ARHGAP44: variants seen among roughly 807,000 people sequenced by gnomAD.
ARHGAP44 encodes the protein Rho GTPase activating protein 44, also known as rho GTPase-activating protein 44.
A neutral mutation model predicts 106.8 loss-of-function variants in ARHGAP44; 43 were observed. The observed-to-expected ratio is 0.40, with a 90% CI of 0.32 to 0.52. ARHGAP44 has a LOEUF of 0.52. Ranked by LOEUF, ARHGAP44 falls within the 20% of genes least tolerant of loss-of-function variation. The pLI, the probability that ARHGAP44 is intolerant of heterozygous loss-of-function variation, is 0.48. For synonymous variants in ARHGAP44, 439 were observed against 410.3 expected (o/e 1.07, Z -0.85); for missense variants, 866 against 1,050.5 (o/e 0.82, Z 2.43).
intron 7 of ARHGAP44, among the ~76,000 whole-genome samples, chr17:12,939,293 A>C (rs2038639996): frequency 6.6e-6 from 1 of 151,686 alleles, no homozygotes; most frequent in Admixed American, 6.6e-5. Flanking sequence ...TGGCGCCCCT[A>C]CTGTGCTAAA....
intron 19 of ARHGAP44, among the ~76,000 whole-genome samples, chr17:12,984,283 G>C (rs1445083681): frequency 7.3e-6 from 1 of 136,424 alleles, no homozygotes; most frequent in African/African-American, 2.7e-5. Context: ...ATCCAGAAAA[G>C]AGGAGGAAAA....
intron 20 of ARHGAP44, chr17:12,988,811 G>T (rs886628375): frequency 6.6e-6 from 1 of 151,658 alleles, no homozygotes. Context: ...GGGCGTGGTT[G>T]CTCACGCCTG....
At chr17:12,978,056 A>AAAAAAAAAAAAAAAAAAAAAT (rs71144940) in intron 18 of ARHGAP44, among the ~76,000 whole-genome samples, 3 of 149,214 alleles carry the variant, frequency 2.0e-5, no homozygotes, top group Admixed American at 6.7e-5. Context: ...AAAAAAAAAA[A>AAAAAAAAAAAAAAAAAAAAAT]GTGTGTTTCG....
intron 7 of ARHGAP44, among the ~76,000 whole-genome samples, chr17:12,934,804 A>C (rs906787993): frequency 6.6e-6 from 1 of 152,196 alleles, no homozygotes; most frequent in South Asian, 2.1e-4. Flanking sequence ...ATGGAAGACA[A>C]TGATGCACCA....
intron 1 of ARHGAP44, among the ~76,000 whole-genome samples, chr17:12,880,656 A>G (rs1290956677): frequency 6.6e-6 from 1 of 151,656 alleles, no homozygotes; most frequent in Non-Finnish European, 1.5e-5. Context: ...CATTTTTTGA[A>G]TGCTGGCCCA....
intron 20 of ARHGAP44, 138 bp from the exon 21 acceptor site, chr17:12,989,894 C>A: frequency 1.5e-6 from 2 of 1,315,514 alleles, no homozygotes; most frequent in Non-Finnish European, 2.1e-6. Context: ...CAACACAATG[C>A]TTAAACCAAC....
At chr17:12,878,042 G>A (rs1286155096) in intron 1 of ARHGAP44, among the ~76,000 whole-genome samples, 5 of 152,192 alleles carry the variant, frequency 3.3e-5, no homozygotes, top group African/African-American at 4.8e-5. Flanking sequence ...CCACACCTCA[G>A]TTATGAATTA....
At chr17:12,931,216 C>T (rs1337155583) in intron 7 of ARHGAP44, among the ~76,000 whole-genome samples, 14 of 151,850 alleles carry the variant, frequency 9.2e-5, no homozygotes, top group African/African-American at 2.4e-4. Flanking sequence ...GGACTACAGG[C>T]GCATGCCACC....
intron 20 of ARHGAP44, chr17:12,986,824 GT>G: frequency 2.8e-6 from 1 of 362,208 alleles, no homozygotes; most frequent in Non-Finnish European, 5.0e-6. Flanking sequence ...AAGAAGCGGA[GT>G]GGCTCATGTT....
chr17:12,872,700 TC>T (rs1379087131), intron 1 of ARHGAP44, among the ~76,000 whole-genome samples: 4 of 152,202 alleles, frequency 2.6e-5, no homozygotes, highest in Non-Finnish European at 4.4e-5. Context: ...CCCTCACAGT[TC>T]AGGACCTTTC....
chr17:12,831,861 A>G (rs2035098519), intron 1 of ARHGAP44, among the ~76,000 whole-genome samples: 1 of 152,200 alleles, frequency 6.6e-6, no homozygotes, highest in Admixed American at 6.5e-5. Flanking sequence ...AAGCATGTTA[A>G]CAGGAGGTAG....
At chr17:12,933,918 G>A (rs1008969150) in intron 7 of ARHGAP44, among the ~76,000 whole-genome samples, 1 of 150,510 alleles carries the variant, frequency 6.6e-6, no homozygotes, top group African/African-American at 2.4e-5. Context: ...GCACGATCTC[G>A]GCTCACTGCA....
At chr17:12,895,328 A>G (rs190755890) in intron 2 of ARHGAP44, among the ~76,000 whole-genome samples, 1 of 152,126 alleles carries the variant, frequency 6.6e-6, no homozygotes, top group Non-Finnish European at 1.5e-5. Context: ...GTTTAAAGTC[A>G]TTTCACCACA....
chr17:12,806,333 A>G (rs1176326115), intron 1 of ARHGAP44, among the ~76,000 whole-genome samples: 1 of 152,164 alleles, frequency 6.6e-6, no homozygotes, highest in Non-Finnish European at 1.5e-5. Context: ...TTGCCAAGGG[A>G]TATAGAGTAT....
chr17:12,835,752 A>G (rs1221846596), intron 1 of ARHGAP44, among the ~76,000 whole-genome samples: 2 of 152,090 alleles, frequency 1.3e-5, no homozygotes, highest in Admixed American at 6.5e-5. Context: ...GAACTTTTTC[A>G]TCTTGCAACA....
chr17:12,915,892 G>A lies in ARHGAP44; in HGVS notation c.276-8G>A, dbSNP rs1355444984. The A allele has an allele frequency of 1.2e-6, 2 of 1,612,374 alleles. No homozygotes were observed. The highest frequency in any genetic ancestry group is 1.7e-6 in the Non-Finnish European group (2 of 1,178,890). On this transcript the variant is annotated splice_polypyrimidine_tract_variant and splice_region_variant and intron_variant, in intron 4 of 20. Coordinates refer to ENST00000379672, the MANE Select transcript of ARHGAP44 (RefSeq NM_014859.6). ...GTATTCACTATTTCTTTCCCCCTTGGATTACAGGAAGATGCTGAAACTCTG... is the reference window on the plus strand; with the variant it reads ...GTATTCACTATTTCTTTCCCCCTTGAATTACAGGAAGATGCTGAAACTCTG...
chr17:12,870,386 C>G (rs549615993), intron 1 of ARHGAP44, among the ~76,000 whole-genome samples: 1 of 152,206 alleles, frequency 6.6e-6, no homozygotes, highest in South Asian at 2.1e-4. Context: ...CATTTTTAGC[C>G]TTTTAATACG....
At chr17:12,926,508 T>TTATATGCA (rs1567691262) in intron 6 of ARHGAP44, among the ~76,000 whole-genome samples, 1 of 145,512 alleles carries the variant, frequency 6.9e-6, no homozygotes, top group Non-Finnish European at 1.5e-5. Context: ...TGTATATATA[T>TTATATGCA]TATATATGCA....
chr17:12,874,746 G>A (rs529389069), intron 1 of ARHGAP44, among the ~76,000 whole-genome samples: 2 of 150,792 alleles, frequency 1.3e-5, no homozygotes, highest in South Asian at 2.1e-4. Context: ...AAAAAAAAAG[G>A]CAGTTGTGCC....
Sources: allele counts gnomAD v4.1 joint callset (sites outside exome capture counted in the v4.1 genomes callset), GRCh38; gene constraint gnomAD v4.1.1; transcripts MANE v1.5; gene names NCBI Gene and HGNC (gene_info 2026-07-23, HGNC 2026-07-21).